Variants in TMEM230 observed in about 807,000 individuals in gnomAD.
TMEM230 encodes the protein transmembrane protein 230.
TMEM230 carries 10 observed loss-of-function variants against 15.8 expected under a neutral mutation model. The observed-to-expected ratio is 0.63, with a 90% CI of 0.39 to 1.07. TMEM230 has a LOEUF of 1.07. Among genes scored for constraint, TMEM230 ranks in the 50% least tolerant of loss-of-function variants. The pLI, the probability that TMEM230 is intolerant of heterozygous loss-of-function variation, is 0.01. For synonymous variants in TMEM230, 67 were observed against 76.9 expected, an observed-to-expected ratio of 0.87 and a Z score of 0.68; for missense variants, 165 against 193.3, an observed-to-expected ratio of 0.85 and a Z score of 0.87.
chr20:5,064,571 C>T (rs979036276), downstream of TMEM230, among the ~76,000 whole-genome samples: 2 of 151,904 alleles, frequency 1.3e-5, no homozygotes, highest in South Asian at 2.1e-4. Context: ...AGCGAAACTC[C>T]GTCTCAAAAT....
intron 3 of TMEM230, among the ~76,000 whole-genome samples, chr20:5,072,225 ATT>A (rs929277337): frequency 1.3e-5 from 2 of 151,376 alleles, no homozygotes; most frequent in African/African-American, 4.9e-5. Flanking sequence ...TGATTTTTGT[ATT>A]TTTTTGTAGA....
At chr20:5,092,739 G>A (rs1358530732) in intron 3 of TMEM230, among the ~76,000 whole-genome samples, 1 of 151,270 alleles carries the variant, frequency 6.6e-6, no homozygotes, top group Non-Finnish European at 1.5e-5. Context: ...AAAAGAGAGA[G>A]AGAGAGAATG....
At chr20:5,084,674 C>T (rs1474793326) in intron 3 of TMEM230, among the ~76,000 whole-genome samples, 1 of 152,216 alleles carries the variant, frequency 6.6e-6, no homozygotes, top group African/African-American at 2.4e-5. Context: ...GCTGGAACTA[C>T]AGGCGTGTGC....
chr20:5,075,577 T>C (rs2088965310), intron 3 of TMEM230, among the ~76,000 whole-genome samples: 1 of 148,798 alleles, frequency 6.7e-6, no homozygotes, highest in Non-Finnish European at 1.5e-5. Flanking sequence ...ATACAAAAAT[T>C]AGCCGGGCTT....
rs542664332 is a variant in TMEM230, at chr20:5,079,638, G to C, written c.223-10289C>G. Among the ~76,000 whole-genome samples, 18 of 152,248 alleles carry C rather than the reference G, an allele frequency of 1.2e-4. No homozygotes were observed. The East Asian group carries it at 3.5e-3, about 29-fold the overall frequency. ...CTACAGGTGCATGCCACTGCACCCA[G>C]CTTTTACTAGTGTAATGAAATAATC... On this transcript the variant is annotated intron_variant, in intron 3 of 3. Transcript: ENST00000612323.
chr20:5,108,414 C>T (rs532538244), intron 3 of TMEM230, among the ~76,000 whole-genome samples: 23 of 143,210 alleles, frequency 1.6e-4, no homozygotes, highest in African/African-American at 5.7e-4. Context: ...ACTAAAACTC[C>T]GTCTCCAAAA....
intron 3 of TMEM230, among the ~76,000 whole-genome samples, chr20:5,092,885 G>C (rs905614841): frequency 1.3e-5 from 2 of 152,156 alleles, no homozygotes. Flanking sequence ...AATTTACCTT[G>C]CATGACAAAT....
At chr20:5,077,948 A>G (rs2089054209) in intron 3 of TMEM230, among the ~76,000 whole-genome samples, 1 of 152,204 alleles carries the variant, frequency 6.6e-6, no homozygotes. Flanking sequence ...GAGAAAAATG[A>G]ATCAGGATCA....
chr20:5,064,038 A>G (rs2088629903), downstream of TMEM230, among the ~76,000 whole-genome samples: 1 of 152,028 alleles, frequency 6.6e-6, no homozygotes, highest in Admixed American at 6.6e-5. Context: ...GGCTGAAAGC[A>G]GGTGGATCAC....
chr20:5,081,896 C>CA (rs1470984097), intron 3 of TMEM230, among the ~76,000 whole-genome samples: 1 of 130,568 alleles, frequency 7.7e-6, no homozygotes, highest in Non-Finnish European at 1.5e-5. Context: ...TTTTTTTAGA[C>CA]AGAGTCTTGC....
downstream of TMEM230, among the ~76,000 whole-genome samples, chr20:5,099,369 G>A (rs2089766642): frequency 1.3e-5 from 2 of 151,884 alleles, no homozygotes; most frequent in South Asian, 4.1e-4. Flanking sequence ...CAAGGCTCAG[G>A]CACTCTAGAT....
At chr20:5,066,796 C>T (rs1242396054), downstream of TMEM230, among the ~76,000 whole-genome samples, 11 of 152,102 alleles carry the variant, frequency 7.2e-5, no homozygotes, top group African/African-American at 2.4e-4. Flanking sequence ...TTCGCTGACC[C>T]GGGTTCATGC....
chr20:5,060,609 T>A, the TMEM230 span, among the ~76,000 whole-genome samples: 2 of 152,292 alleles, frequency 1.3e-5, no homozygotes, highest in South Asian at 4.1e-4. Context: ...AGTGCTGGGA[T>A]CACAGGTGTG....
At chr20:5,093,591 C>T (rs2089575004) in intron 3 of TMEM230, among the ~76,000 whole-genome samples, 1 of 151,920 alleles carries the variant, frequency 6.6e-6, no homozygotes, top group South Asian at 2.1e-4. Flanking sequence ...GGCTGGAGTG[C>T]AGTGGCACCA....
chr20:5,084,870 T>C (rs2089292120), intron 3 of TMEM230, among the ~76,000 whole-genome samples: 1 of 152,242 alleles, frequency 6.6e-6, no homozygotes, highest in African/African-American at 2.4e-5. Context: ...CCACGTTTTC[T>C]TTATCCAGGC....
chr20:5,076,465 C>T (rs1310339390), intron 3 of TMEM230, among the ~76,000 whole-genome samples: 1 of 151,082 alleles, frequency 6.6e-6, no homozygotes, highest in Non-Finnish European at 1.5e-5. Context: ...CACTTGCACC[C>T]ATGAGGTGGA....
chr20:5,086,652 A>T (rs1042996274), intron 3 of TMEM230, among the ~76,000 whole-genome samples: 1 of 151,534 alleles, frequency 6.6e-6, no homozygotes, highest in Admixed American at 6.6e-5. Context: ...GGAGTCTTTA[A>T]TATTTTGCTT....
chr20:5,060,766 C>T, the TMEM230 span, among the ~76,000 whole-genome samples: 1 of 152,096 alleles, frequency 6.6e-6, no homozygotes, highest in South Asian at 2.1e-4. Context: ...CGTAATTTAT[C>T]AATTTTCCTT....
chr20:5,088,458 G>A (rs2089418180), intron 3 of TMEM230, among the ~76,000 whole-genome samples: 1 of 152,156 alleles, frequency 6.6e-6, no homozygotes, highest in African/African-American at 2.4e-5. Context: ...GTCAGCAGAA[G>A]GGTGGGCAAT....
Sources: allele counts gnomAD v4.1 joint callset (sites outside exome capture counted in the v4.1 genomes callset), GRCh38; gene constraint gnomAD v4.1.1; transcripts MANE v1.5; gene names NCBI Gene and HGNC (gene_info 2026-07-23, HGNC 2026-07-21).